The following NDUFAF5 variants were observed in gnomAD, a reference collection of about 807,000 sequenced individuals.
NDUFAF5 encodes the protein NADH:ubiquinone oxidoreductase complex assembly factor 5.
Under a neutral mutation model 48.9 loss-of-function variants are expected in NDUFAF5, and 34 were observed. The ratio of observed to expected loss-of-function variants is 0.70; its 90% CI spans 0.53 to 0.93. The LOEUF (loss-of-function observed/expected upper bound fraction) is 0.93, where lower values mean the gene tolerates loss of function less well. Among genes scored for constraint, NDUFAF5 ranks in the 40% least tolerant of loss-of-function variants. NDUFAF5 has a pLI of 0.00. For synonymous variants in NDUFAF5, 153 were observed against 150.6 expected (o/e 1.02, Z -0.12); for missense variants, 428 against 427.5 (o/e 1.00, Z -0.01).
Position 13,809,380 on chromosome 20 carries a change from A to G in NDUFAF5, c.778+478A>G, listed in dbSNP as rs112945998. On this transcript the variant is annotated intron_variant, in intron 8 of 10. Transcript: ENST00000378106. ...AGAAGTGTTATCTGAGGAAGTAGCA[A>G]TTGAGCTGTGCTCTAAAAAAAAATG... Among the ~76,000 whole-genome samples the G allele has an allele frequency of 5.8e-3, 888 of 152,304 alleles. 13 individuals are homozygous for G. The highest frequency in any genetic ancestry group is 0.019 in the African/African-American group (802 of 41,576).
intron 6 of NDUFAF5, 124 bp from the exon 7 acceptor site, chr20:13,801,362 G>T: frequency 1.8e-6 from 1 of 561,686 alleles, no homozygotes; most frequent in Non-Finnish European, 3.0e-6. Context: ...TAAATTATGT[G>T]ATTATTAATT....
intron 1 of NDUFAF5, 79 bp from the exon 2 acceptor site, chr20:13,787,233 A>G: frequency 2.7e-6 from 4 of 1,457,038 alleles, no homozygotes; most frequent in African/African-American, 1.4e-5. Flanking sequence ...ATTTTAAAAC[A>G]TAAGTAACTT....
chr20:13,818,263 A>T lies in NDUFAF5; in HGVS notation c.*1053A>T, dbSNP rs541697574. 2.2e-6 allele frequency: 1 copy of T among 453,594 alleles called. No homozygotes were observed. The highest frequency in any genetic ancestry group is 2.4e-5 in the Admixed American group (1 of 42,518). The allele number at this position is 453,594 out of a possible 1,614,324, so 28.1% of individuals were successfully genotyped here. On this transcript the variant is annotated 3_prime_UTR_variant, in exon 11 of 11. Transcript: ENST00000378106. The stretch of plus-strand genomic sequence containing the variant: ...TACATTTTGAACTAATTATATAACA[A>T]ACTTGCCCTTTGAAAGACTAAGTTA...
intron 10 of NDUFAF5, 44 bp from the exon 11 acceptor site, chr20:13,817,074 A>G (rs1188472631): frequency 3.8e-6 from 6 of 1,581,868 alleles, no homozygotes; most frequent in Non-Finnish European, 5.2e-6. Context: ...GGGGCTGTGT[A>G]TTATCTATCT....
intron 8 of NDUFAF5, 69 bp from the exon 9 acceptor site, chr20:13,816,394 A>C: frequency 2.0e-6 from 2 of 1,021,122 alleles, no homozygotes; most frequent in South Asian, 2.5e-5. Context: ...AGACGGGATT[A>C]AGTCTGTGGT....
At chr20:13,792,717 A>G (rs985152675) in intron 3 of NDUFAF5, among the ~76,000 whole-genome samples, 12 of 152,330 alleles carry the variant, frequency 7.9e-5, no homozygotes, top group African/African-American at 2.6e-4. Flanking sequence ...TTTCTGGTGC[A>G]GAAATAGCAC....
At chr20:13,804,343 C>G (rs2147570637) in intron 7 of NDUFAF5, among the ~76,000 whole-genome samples, 1 of 152,070 alleles carries the variant, frequency 6.6e-6, no homozygotes, top group Middle Eastern at 3.4e-3. Flanking sequence ...CCTAGGGACC[C>G]CAGGACTCTC....
intron 5 of NDUFAF5, among the ~76,000 whole-genome samples, chr20:13,796,126 C>G (rs554970987): frequency 6.6e-6 from 1 of 152,304 alleles, no homozygotes; most frequent in Non-Finnish European, 1.5e-5. Context: ...TCAACTCTTT[C>G]GATAGCTGTT....
intron 3 of NDUFAF5, among the ~76,000 whole-genome samples, chr20:13,789,683 A>C (rs1278083078): frequency 6.6e-6 from 1 of 151,626 alleles, no homozygotes; most frequent in Non-Finnish European, 1.5e-5. Flanking sequence ...TCACCGTGTT[A>C]GCCAGGATGG....
chr20:13,787,248 A>C, intron 1 of NDUFAF5, 64 bp from the exon 2 acceptor site: 1 of 1,519,846 alleles, frequency 6.6e-7, no homozygotes. Context: ...TAACTTGTGG[A>C]TTGTTGAATA....
chr20:13,801,804 T>C, intron 7 of NDUFAF5, 121 bp downstream of exon 7: 1 of 838,134 alleles, frequency 1.2e-6, no homozygotes, highest in Non-Finnish European at 1.9e-6. Context: ...TCCCTTTTTT[T>C]TTCTCTTTTT....
chr20:13,808,307 A>T (rs1985368057), intron 7 of NDUFAF5, among the ~76,000 whole-genome samples: 1 of 152,196 alleles, frequency 6.6e-6, no homozygotes, highest in South Asian at 2.1e-4. Context: ...ATCAGGCTTC[A>T]AAAAGAAGAG....
Position 13,798,235 on chromosome 20 carries a change from A to G in NDUFAF5, c.480-226A>G, listed in dbSNP as rs995980049. Among the ~76,000 whole-genome samples the G allele has an allele frequency of 3.3e-5, 5 of 152,352 alleles. No homozygotes were observed. The East Asian group carries it at 7.7e-4, about 24-fold the overall frequency. The stretch of plus-strand genomic sequence containing the variant: ...TCATATCAGATTCTTTCAGTTACGC[A>G]AAGTGATATATTGACATGGGGAATT... On this transcript the variant is annotated intron_variant, in intron 5 of 10. Transcript: ENST00000378106.
intron 5 of NDUFAF5, among the ~76,000 whole-genome samples, chr20:13,796,979 A>G (rs1407458006): frequency 2.0e-5 from 3 of 152,206 alleles, no homozygotes; most frequent in Non-Finnish European, 4.4e-5. Context: ...TCTGTCTCAA[A>G]AAAGGAAAAA....
At chr20:13,814,274 G>C (rs747854853) in intron 8 of NDUFAF5, 2 of 388,246 alleles carry the variant, frequency 5.2e-6, no homozygotes, top group Non-Finnish European at 1.0e-5. Context: ...CAGGGAGACC[G>C]TGGGAGACTT....
At chr20:13,789,624 C>T (rs142692838) in intron 3 of NDUFAF5, among the ~76,000 whole-genome samples, 2,061 of 152,036 alleles carry the variant, frequency 0.014, 19 homozygotes, top group Non-Finnish European at 0.023. Flanking sequence ...TACAGGTGCC[C>T]GCCACCACGC....
intron 6 of NDUFAF5, 67 bp from the exon 7 acceptor site, chr20:13,801,419 A>G (rs1307717272): frequency 2.0e-6 from 2 of 990,202 alleles, no homozygotes; most frequent in East Asian, 2.7e-5. Context: ...TAGACACTAT[A>G]TATTTATTTT....
intron 6 of NDUFAF5, 24 bp from the exon 7 acceptor site, chr20:13,801,462 T>A: frequency 6.8e-7 from 1 of 1,470,374 alleles, no homozygotes. Flanking sequence ...TTTGAATCAT[T>A]TTGTTTTCTT....
intron 8 of NDUFAF5, among the ~76,000 whole-genome samples, chr20:13,811,203 AAG>A (rs913857324): frequency 6.6e-6 from 1 of 152,070 alleles, no homozygotes; most frequent in Non-Finnish European, 1.5e-5. Context: ...TGGGAGGAAA[AAG>A]AGGAGCTGAG....
Sources: gnomAD v4.1 joint callset for allele counts (sites outside exome capture counted in the v4.1 genomes callset) on GRCh38, gnomAD v4.1.1 for gene constraint, MANE v1.5 for transcripts, NCBI Gene and HGNC (gene_info 2026-07-23, HGNC 2026-07-21) for gene names.